The following ZNF334 variants were observed in gnomAD, a reference collection of about 807,000 sequenced individuals.
ZNF334 encodes the protein zinc finger protein 334.
In ZNF334, 14 loss-of-function variants were observed where a neutral mutation model predicts 12.4. The observed-to-expected ratio is 1.13, with a 90% CI of 0.74 to 1.76. ZNF334 has a LOEUF of 1.76. Among genes scored for constraint, ZNF334 ranks in the 40% most tolerant of loss-of-function variants. The probability of loss-of-function intolerance (pLI) is 0.00; values close to 1 mark genes in which losing one functional copy is unlikely to be tolerated. For missense variants in ZNF334, 797 were observed against 804.5 expected (o/e 0.99, Z 0.11); for synonymous variants, 273 against 269.6 (o/e 1.01, Z -0.12).
At position 46,499,914 on chromosome 20, in the gene ZNF334, T is replaced by C. The variant is rs150117904; in HGVS notation, c.*1382A>G. The C allele has an allele frequency of 1.2e-3, 179 of 152,256 alleles. No homozygotes were observed. Among genetic ancestry groups the C allele is most frequent in the African/African-American group, 4.2e-3 (174 of 41,550 alleles). The allele number at this position is 152,256 out of a possible 1,614,324, so 9.4% of individuals were successfully genotyped here. ...GGTTCTCTGAAGGGCCCCAAATAAATAGCACAATTTCCCCCCATCTAAACG... is the reference window on the plus strand; with the variant it reads ...GGTTCTCTGAAGGGCCCCAAATAAACAGCACAATTTCCCCCCATCTAAACG... On this transcript the variant is annotated 3_prime_UTR_variant, in exon 5 of 5. Transcript: ENST00000692313.
intron 2 of ZNF334, chr20:46,505,214 C>G (rs993995614): frequency 2.0e-5 from 3 of 152,320 alleles, no homozygotes; most frequent in African/African-American, 7.2e-5. Flanking sequence ...AGACACAAAA[C>G]ACATATGGGG....
At chr20:46,470,956 C>A in the ZNF334 span, among the ~76,000 whole-genome samples, 1 of 152,148 alleles carries the variant, frequency 6.6e-6, no homozygotes, top group Non-Finnish European at 1.5e-5. Flanking sequence ...CATGAATTTC[C>A]ATAAGATATT....
In ZNF334 at chr20:46,510,757, C is replaced by CA. The variant is rs11475698; in HGVS notation, c.21+1324dup. On this transcript the variant is annotated intron_variant, in intron 2 of 4. Coordinates refer to ENST00000692313, the MANE Select transcript of ZNF334 (RefSeq NM_001353824.2). The stretch of plus-strand genomic sequence containing the variant: ...TGGGTGATAGAGTGAGAGCCCATTT[C>CA]AAAAAAAAAAAAAAAAAAAGATGGC... 1.7e-3 allele frequency among the ~76,000 whole-genome samples: 171 copies of CA among 98,272 alleles called. 3 individuals are homozygous for CA. The highest frequency in any genetic ancestry group is 6.8e-3 in the South Asian group (19 of 2,782). The allele number at this position is 98,272 out of a possible 152,430, so 64.5% of individuals were successfully genotyped here.
chr20:46,478,688 T>C, the ZNF334 span, among the ~76,000 whole-genome samples: 1 of 152,104 alleles, frequency 6.6e-6, no homozygotes, highest in African/African-American at 2.4e-5. Context: ...TCCATTGCAG[T>C]GGTTGGAGGG....
chr20:46,469,388 A>G, the ZNF334 span, among the ~76,000 whole-genome samples: 2 of 129,140 alleles, frequency 1.5e-5, no homozygotes, highest in Admixed American at 1.6e-4. Context: ...TTTTTTTTTG[A>G]GACGGAGTCT....
At chr20:46,462,563 GC>G in the ZNF334 span, among the ~76,000 whole-genome samples, 1 of 152,184 alleles carries the variant, frequency 6.6e-6, no homozygotes, top group African/African-American at 2.4e-5. Context: ...TTCAAAAAGT[GC>G]CTGGACTAGA....
At chr20:46,464,972 T>C in the ZNF334 span, 7 of 462,044 alleles carry the variant, frequency 1.5e-5, no homozygotes, top group East Asian at 2.2e-4. Context: ...GCTTGCTGTG[T>C]TCACATCTGC....
chr20:46,465,251 T>C, the ZNF334 span: 1 of 179,208 alleles, frequency 5.6e-6, no homozygotes. Flanking sequence ...GCTGTTGTTC[T>C]GGGAGCTGCA....
chr20:46,491,543 C>T, the ZNF334 span: 1 of 153,032 alleles, frequency 6.5e-6, no homozygotes, highest in Admixed American at 6.5e-5. Flanking sequence ...TAATAAACAT[C>T]AGAAAACTCA....
intron 2 of ZNF334, chr20:46,509,722 ACACCT>A (rs1468087573): frequency 1.4e-6 from 1 of 701,252 alleles, no homozygotes; most frequent in African/African-American, 1.7e-5. Context: ...AGCTGGTACC[ACACCT>A]CATGGTGTGT....
rs766977840 is a variant in ZNF334, at chr20:46,501,258, A to G, written c.*38T>C. 6.3e-6 allele frequency: 10 copies of G among 1,579,496 alleles called. No homozygotes were observed. The South Asian group carries it at 1.2e-4, about 19-fold the overall frequency. ...AGTTTAGCATTGTGTAAGTTATTTG[A>G]TTTGTTGCTTTGTTGGAATTTATTA... is the stretch of plus-strand genomic sequence containing the variant. On this transcript the variant is annotated 3_prime_UTR_variant, in exon 5 of 5. Coordinates refer to ENST00000692313, the MANE Select transcript of ZNF334 (RefSeq NM_001353824.2).
rs773612817 is a variant in ZNF334 at position 46,502,671 on chromosome 20, A to C, written c.668T>G (p.Ile223Ser). The change falls in exon 5 of 5, where the codon ATT (isoleucine) becomes AGT (serine). Residue 223 changes from isoleucine (I) to serine (S), a missense_variant. Coordinates refer to ENST00000692313, the MANE Select transcript of ZNF334 (RefSeq NM_001353824.2). ...CTGTCTCCCCTTTTGTGTAATGAGA[A>C]TTGCCCTCTTGAAGAAGGTTTTCCC... ...KCGKTFFKRAILITQKGRQTE... is the reference protein window; with the variant it reads ...KCGKTFFKRASLITQKGRQTE... The C allele has an allele frequency of 1.9e-6, 3 of 1,612,560 alleles. No individual in the cohort carries two copies. The highest frequency in any genetic ancestry group is 2.2e-5 in the East Asian group (1 of 44,868).
At chr20:46,476,536 A>AT in the ZNF334 span, among the ~76,000 whole-genome samples, 3 of 152,276 alleles carry the variant, frequency 2.0e-5, no homozygotes, top group African/African-American at 4.8e-5. Flanking sequence ...TGAGGGCTCT[A>AT]TTTTTTCTTG....
chr20:46,462,688 A>G, the ZNF334 span, among the ~76,000 whole-genome samples: 25 of 152,316 alleles, frequency 1.6e-4, no homozygotes, highest in Middle Eastern at 6.8e-3. Flanking sequence ...CTTTCTTTAT[A>G]TAGACAGGCA....
In ZNF334 at chr20:46,499,640, T is replaced by C. The variant is rs945996742; in HGVS notation, c.*1656A>G. ...AATTTGGCACAAAAATTAGGTATTT[T>C]TGTTTTTCTTTACTCTATTAGTTTC... On this transcript the variant is annotated 3_prime_UTR_variant, in exon 5 of 5. Transcript: ENST00000692313. The C allele has an allele frequency of 1.3e-5, 2 of 152,220 alleles. No homozygotes were observed. Among genetic ancestry groups the C allele is most frequent in the Admixed American group, 6.5e-5 (1 of 15,286 alleles). 9.4% of individuals were successfully genotyped at this position (152,220 alleles called of 1,614,324 possible). A position where few individuals can be genotyped will look rare whatever the true frequency, so the allele number is the denominator to read the frequency against.
Position 46,504,634 on chromosome 20 carries a change from T to C in ZNF334, c.128A>G (p.Tyr43Cys). The C allele has an allele frequency of 6.2e-7, 1 of 1,604,506 alleles. No homozygotes were observed. ...LLYRDVMLEN[Y>C]SNLVSVGYHV... The stretch of plus-strand genomic sequence containing the variant: ...CTTACCCACAGAGACCAAGTTGCTG[T>C]AGTTCTCCAGCATCACATCCCTGTA... Residue 43 changes from tyrosine to cysteine, a missense_variant, in exon 3 of 5, where the codon TAC becomes TGC. By Grantham distance (194) the Tyr-to-Cys change is radical (BLOSUM62 -2). Transcript: ENST00000692313.
the ZNF334 span, among the ~76,000 whole-genome samples, chr20:46,469,819 T>C: frequency 4.6e-5 from 7 of 152,220 alleles, no homozygotes; most frequent in Admixed American, 6.5e-5. Flanking sequence ...CCTTGGCTCA[T>C]TGGCTCGCCT....
At chr20:46,491,537 A>G in the ZNF334 span, 1 of 153,222 alleles carries the variant, frequency 6.5e-6, no homozygotes, top group African/African-American at 2.4e-5. Context: ...AAATCTTAAT[A>G]AACATCAGAA....
At chr20:46,478,986 C>T in the ZNF334 span, among the ~76,000 whole-genome samples, 1 of 152,202 alleles carries the variant, frequency 6.6e-6, no homozygotes, top group African/African-American at 2.4e-5. Context: ...TCACCTCACC[C>T]CATCCCTGGC....
Sources: allele counts gnomAD v4.1 joint callset (sites outside exome capture counted in the v4.1 genomes callset), GRCh38; gene constraint gnomAD v4.1.1; transcripts MANE v1.5; gene names NCBI Gene and HGNC (gene_info 2026-07-23, HGNC 2026-07-21).